Variants in WDR86 observed in about 807,000 individuals in gnomAD.
WDR86 encodes WD repeat domain 86, also known as WD repeat-containing protein 86.
WDR86 carries 30 observed loss-of-function variants against 36.5 expected under a neutral mutation model. That is an observed-to-expected ratio of 0.82 (90% CI 0.61 to 1.11). The LOEUF (loss-of-function observed/expected upper bound fraction) is 1.11, where lower values mean the gene tolerates loss of function less well. WDR86 is among the 50% of genes most tolerant of loss of function. The probability of loss-of-function intolerance (pLI) is 0.00; values close to 1 mark genes in which losing one functional copy is unlikely to be tolerated. For missense variants in WDR86, 545 were observed against 561.2 expected (o/e 0.97, Z 0.29); for synonymous variants, 255 against 252.9 (o/e 1.01, Z -0.08).
At chr7:151,376,865 A>G (rs866423800), downstream of WDR86, 1 of 1,523,610 alleles carries the variant, frequency 6.6e-7, no homozygotes, top group Middle Eastern at 1.7e-4. Context: ...TTCAGAAGCC[A>G]ACAGATGTGG....
downstream of WDR86, chr7:151,378,483 C>T (rs191724758): frequency 1.8e-4 from 27 of 152,222 alleles, no homozygotes; most frequent in Non-Finnish European, 7.3e-5. Flanking sequence ...TTTACTCAGC[C>T]TCCCCAGCTG....
intron 2 of WDR86, among the ~76,000 whole-genome samples, chr7:151,399,396 C>T (rs116436241): frequency 0.017 from 2,649 of 152,228 alleles, 92 homozygotes; most frequent in African/African-American, 0.061. Flanking sequence ...AGGACCCCCT[C>T]GTGCCAGCCT....
At position 151,401,004 on chromosome 7, in the gene WDR86, G is replaced by A. The variant is rs1267783828; in HGVS notation, c.164-763C>T. Among the ~76,000 whole-genome samples, 1 of 152,246 alleles carries A rather than the reference G, an allele frequency of 6.6e-6. No individual in the cohort carries two copies. The highest frequency in any genetic ancestry group is 2.4e-5 in the African/African-American group (1 of 41,454). On this transcript the variant is annotated intron_variant, in intron 1 of 5. Transcript: ENST00000334493. This position sits in a 1 kb window ranked among gnomAD's most constrained non-coding sequence, Gnocchi z 4.3. ...GAGATTTAAGATGCCAGTGAGACAT[G>A]TGACGTATGAACAGGGATGCACAGC...
the WDR86 span, chr7:151,369,016 T>A: frequency 5.4e-6 from 6 of 1,106,496 alleles, no homozygotes; most frequent in Non-Finnish European, 7.4e-6. Flanking sequence ...CTTGTCCTTT[T>A]TTTTTTCTTG....
rs1192190530 is a variant in WDR86, at chr7:151,405,290, C to T, written c.163+4137G>A. 1.3e-5 allele frequency among the ~76,000 whole-genome samples: 2 copies of T among 152,176 alleles called. No individual in the cohort carries two copies. The highest frequency in any genetic ancestry group is 2.4e-5 in the African/African-American group (1 of 41,436). The stretch of plus-strand genomic sequence containing the variant: ...ATATGTTCCCCTCCCCCAGCTCCGA[C>T]CCTGCAGGGCTCCCTCAGGCTGGCT... On this transcript the variant is annotated intron_variant, in intron 1 of 5. Coordinates refer to ENST00000334493, the MANE Select transcript of WDR86 (RefSeq NM_198285.3). This position sits in a 1 kb window ranked among gnomAD's most constrained non-coding sequence, Gnocchi z 4.7.
intron 3 of WDR86, among the ~76,000 whole-genome samples, chr7:151,386,623 C>T (rs896410732): frequency 1.1e-4 from 16 of 152,206 alleles, no homozygotes; most frequent in African/African-American, 2.9e-4. Flanking sequence ...CAGCCATCTG[C>T]ACCACCCAGG....
In WDR86 at chr7:151,396,232, G is replaced by C. The variant is rs201377134; in HGVS notation, c.306-36C>G. 14 of 1,611,024 alleles carry C rather than the reference G, an allele frequency of 8.7e-6. No individual in the cohort carries two copies. In the African/African-American group the frequency reaches 1.3e-4, roughly 15 times the overall value. ...GAGGGAAGGGGTCAGGGATCAGAAGGCACGGGTTCCAGAATCCACACAGCC... is the reference window on the plus strand; with the variant it reads ...GAGGGAAGGGGTCAGGGATCAGAAGCCACGGGTTCCAGAATCCACACAGCC... On this transcript the variant is annotated intron_variant, in intron 2 of 5. Transcript: ENST00000334493.
Position 151,381,763 on chromosome 7 carries a change from G to A in WDR86, c.967-17C>T, listed in dbSNP as rs1326223152. On this transcript the variant is annotated splice_polypyrimidine_tract_variant and intron_variant, in intron 5 of 5. Coordinates refer to ENST00000334493, the MANE Select transcript of WDR86 (RefSeq NM_198285.3). The surrounding 1 kb of genome is among the most constrained non-coding windows in gnomAD (Gnocchi z 4.8). ...GCCGTGCACCTGCGGGCGCAGGGGC[G>A]GGCGTCACCGGTGACGCGGTAGGCG... The A allele has an allele frequency of 6.7e-6, 10 of 1,491,376 alleles. No homozygotes were observed. Among genetic ancestry groups the A allele is most frequent in the African/African-American group, 1.4e-5 (1 of 70,950 alleles). The allele number at this position is 1,491,376 out of a possible 1,614,324, so 92.4% of individuals were successfully genotyped here.
chr7:151,400,178 T>TCA lies in WDR86; in HGVS notation c.226_227insTG (p.Asp76ValfsTer11), dbSNP rs766449349. 4 of 1,612,176 alleles carry TCA rather than the reference T, an allele frequency of 2.5e-6. No homozygotes were observed. In the South Asian group the frequency reaches 4.4e-5, roughly 18 times the overall value. On this transcript the variant is annotated frameshift_variant, in exon 2 of 6. Coordinates refer to ENST00000334493, the MANE Select transcript of WDR86 (RefSeq NM_198285.3). LOFTEE classifies it high-confidence loss of function. ...CACGTCCCACCTCCTGATGGTGCAG[T>TCA]CGGCGCTGCATGTGAAGGCAGCCTC...
chr7:151,410,161 G>A (rs1285125831), upstream of WDR86: 2 of 874,322 alleles, frequency 2.3e-6, no homozygotes, highest in African/African-American at 1.8e-5. Flanking sequence ...GGGTCCGGGG[G>A]ACGGCTCCAC....
chr7:151,409,994 C>T lies in WDR86; in HGVS notation c.-405G>A, dbSNP rs571197137. On this transcript the variant is annotated 5_prime_UTR_variant, in exon 1 of 6. Coordinates refer to ENST00000334493, the MANE Select transcript of WDR86 (RefSeq NM_198285.3). The surrounding 1 kb of genome is among the most constrained non-coding windows in gnomAD (Gnocchi z 5.2). The stretch of plus-strand genomic sequence containing the variant: ...GGGGCGGGGAGAGGAACACGGGAAG[C>T]CGAGCGCCCCGCGCCCTCCCCGGCC... The T allele has an allele frequency of 4.2e-4, 418 of 1,002,092 alleles. 2 individuals carry two copies. The Middle Eastern group carries it at 7.4e-3, about 18-fold the overall frequency. The allele number at this position is 1,002,092 out of a possible 1,614,324, so 62.1% of individuals were successfully genotyped here.
At chr7:151,402,070 A>AAAAAAATATATAT in intron 1 of WDR86, among the ~76,000 whole-genome samples, 37 of 50,522 alleles carry the variant, frequency 7.3e-4, no homozygotes, top group African/African-American at 1.1e-3. Flanking sequence ...AAAAAAAAAA[A>AAAAAAATATATAT]ATATATATAT....
At chr7:151,380,270 T>G (rs1798486894), downstream of WDR86, among the ~76,000 whole-genome samples, 1 of 152,156 alleles carries the variant, frequency 6.6e-6, no homozygotes, top group Non-Finnish European at 1.5e-5. Flanking sequence ...CACAGTGCAA[T>G]CCCTACCTGT....
rs1038439864 is a variant in WDR86 at position 151,381,244 on chromosome 7, A to G, written c.*338T>C. ...CACTTCCTCTCAGCAGGAAAGGCCC[A>G]GTTTCGTGGGGCTGGGGGAGCTGGG... On this transcript the variant is annotated 3_prime_UTR_variant, in exon 6 of 6. Transcript: ENST00000334493. This position sits in a 1 kb window ranked among gnomAD's most constrained non-coding sequence, Gnocchi z 4.8. 1 of 1,300,002 alleles carries G rather than the reference A, an allele frequency of 7.7e-7. No individual in the cohort carries two copies. 80.5% of individuals were successfully genotyped at this position (1,300,002 alleles called of 1,614,324 possible).
chr7:151,382,192 G>GCCCTGC (rs1798645537), intron 4 of WDR86, among the ~76,000 whole-genome samples: 1 of 152,264 alleles, frequency 6.6e-6, no homozygotes, highest in Non-Finnish European at 1.5e-5. Flanking sequence ...GCGCCAGCTG[G>GCCCTGC]CCCTGCCCCT....
intron 1 of WDR86, among the ~76,000 whole-genome samples, chr7:151,402,089 A>ATATATATATC (rs1213348920): frequency 4.0e-5 from 5 of 124,310 alleles, no homozygotes; most frequent in Non-Finnish European, 5.0e-5. Context: ...ATATATATAT[A>ATATATATATC]TATCTCCACA....
intron 3 of WDR86, among the ~76,000 whole-genome samples, chr7:151,391,393 G>A (rs576963935): frequency 6.6e-6 from 1 of 152,348 alleles, no homozygotes; most frequent in East Asian, 1.9e-4. Context: ...TAAGGCAGCA[G>A]CCTTCTAACC....
downstream of WDR86, chr7:151,376,974 T>C (rs1449256241): frequency 5.0e-5 from 71 of 1,420,234 alleles, 1 homozygote; most frequent in South Asian, 1.2e-4. Flanking sequence ...CAGTCTGAGG[T>C]TGACTGTGGT....
exon 2 of WDR86, chr7:151,375,941 C>CGAGT: frequency 3.1e-6 from 5 of 1,604,952 alleles, no homozygotes; most frequent in Non-Finnish European, 4.3e-6. Flanking sequence ...AAACATTGAC[C>CGAGT]GAGTGAGTGA....
Sources: gnomAD v4.1 joint callset for allele counts (sites outside exome capture counted in the v4.1 genomes callset) on GRCh38, gnomAD v4.1.1 for gene constraint, Gnocchi (gnomAD v3.1) non-coding constraint, MANE v1.5 for transcripts, NCBI Gene and HGNC (gene_info 2026-07-23, HGNC 2026-07-21) for gene names.